The following TRNT1 variants were observed in gnomAD, a reference collection of about 807,000 sequenced individuals.
The protein encoded by TRNT1 is tRNA nucleotidyl transferase 1.
A neutral mutation model predicts 45.6 loss-of-function variants in TRNT1; 44 were observed. The observed-to-expected ratio is 0.97, with a 90% CI of 0.76 to 1.24. The LOEUF (loss-of-function observed/expected upper bound fraction) is 1.24. TRNT1 is among the 50% of genes most tolerant of loss of function. The probability of loss-of-function intolerance (pLI) is 0.00; values close to 1 mark genes in which losing one functional copy is unlikely to be tolerated. For synonymous variants in TRNT1, 201 were observed against 171.4 expected (o/e 1.17, Z -1.35); for missense variants, 633 against 504.4 (o/e 1.25, Z -2.44).
At chr3:3,141,964 G>C (rs1705682297) in intron 4 of TRNT1, among the ~76,000 whole-genome samples, 1 of 152,184 alleles carries the variant, frequency 6.6e-6, no homozygotes, top group Non-Finnish European at 1.5e-5. Flanking sequence ...CTTGATAGAA[G>C]AGGAAACTTG....
intron 2 of TRNT1, chr3:3,130,304 T>C: frequency 4.3e-6 from 1 of 230,572 alleles, no homozygotes; most frequent in South Asian, 7.3e-5. Context: ...ATCTATATTT[T>C]TAATAAAAGC....
intron 4 of TRNT1, 34 bp from the exon 5 acceptor site, chr3:3,144,548 AAT>A: frequency 6.4e-7 from 1 of 1,554,368 alleles, no homozygotes; most frequent in Non-Finnish European, 8.7e-7. Flanking sequence ...CTTATTTGCC[AAT>A]AGTGATTTTT....
At chr3:3,142,017 C>G (rs1414970235) in intron 4 of TRNT1, among the ~76,000 whole-genome samples, 1 of 152,196 alleles carries the variant, frequency 6.6e-6, no homozygotes, top group Non-Finnish European at 1.5e-5. Flanking sequence ...TCACAGAGAA[C>G]CATGATTTTG....
At position 3,147,573 on chromosome 3, in the gene TRNT1, T is replaced by G; in HGVS notation, c.926T>G (p.Leu309Trp). 6.2e-7 allele frequency: 1 copy of G among 1,613,956 alleles called. No individual in the cohort carries two copies. Residue 309 changes from leucine to tryptophan, a missense_variant, in exon 7 of 8, where the codon TTG becomes TGG. Transcript: ENST00000251607. ...LFKVQDDVTK[L>W]DLRLKIAKEE... ...AAAGTACAAGATGATGTCACAAAAT[T>G]GGATTTGAGGTTGAAGATCGCAAAA...
chr3:3,145,024 C>G (rs978323530), intron 5 of TRNT1: 1 of 181,288 alleles, frequency 5.5e-6, no homozygotes, highest in African/African-American at 2.4e-5. Context: ...TGTTTGAATG[C>G]TTACCACAGG....
At chr3:3,141,380 C>G (rs1705642222) in intron 4 of TRNT1, among the ~76,000 whole-genome samples, 2 of 152,178 alleles carry the variant, frequency 1.3e-5, no homozygotes. Flanking sequence ...TTCCTTTGCA[C>G]TATCTTTCAT....
chr3:3,137,057 T>G (rs1011808028), intron 2 of TRNT1, among the ~76,000 whole-genome samples: 3 of 152,220 alleles, frequency 2.0e-5, no homozygotes, highest in Admixed American at 6.5e-5. Context: ...GTTCTCTGTT[T>G]CCTGTTGGTC....
intron 2 of TRNT1, chr3:3,131,414 T>C (rs2126007029): frequency 6.6e-6 from 1 of 152,262 alleles, no homozygotes; most frequent in East Asian, 1.9e-4. Context: ...TTGATTACTA[T>C]AGTTTCTTGA....
At chr3:3,139,408 C>G (rs1705508881) in intron 3 of TRNT1, among the ~76,000 whole-genome samples, 1 of 152,214 alleles carries the variant, frequency 6.6e-6, no homozygotes, top group Non-Finnish European at 1.5e-5. Flanking sequence ...CTACAACAGA[C>G]TTCTGGTGAT....
intron 3 of TRNT1, among the ~76,000 whole-genome samples, chr3:3,139,872 A>T (rs978528354): frequency 1.3e-5 from 2 of 152,086 alleles, no homozygotes; most frequent in Admixed American, 1.3e-4. Flanking sequence ...GACCACAGGC[A>T]TGCACCACCA....
downstream of TRNT1, chr3:3,152,577 A>G (rs750807009): frequency 6.2e-7 from 1 of 1,614,124 alleles, no homozygotes; most frequent in Non-Finnish European, 8.5e-7. Context: ...ATCGGCCCAC[A>G]TAAGGATAAA....
In TRNT1 at chr3:3,148,962, A is replaced by ATAGTCTCTAAAGAAAGATT. The variant is rs1559234162; in HGVS notation, c.*810_*811insGTCTCTAAAGAAAGATTTA. 2 of 136,542 alleles carry ATAGTCTCTAAAGAAAGATT rather than the reference A, an allele frequency of 1.5e-5. No individual in the cohort carries two copies. The allele number at this position is 136,542 out of a possible 1,614,324, so 8.5% of individuals were successfully genotyped here. On this transcript the variant is annotated 3_prime_UTR_variant, in exon 8 of 8. Coordinates refer to ENST00000251607, the MANE Select transcript of TRNT1 (RefSeq NM_182916.3). ...ATTAAAAGGATATGGCTATTATTAT[A>ATAGTCTCTAAAGAAAGATT]TATTCTCTAAAGATTTGAGTCCTAA...
intron 2 of TRNT1, 114 bp downstream of exon 2, chr3:3,129,302 T>TA: frequency 9.6e-7 from 1 of 1,040,154 alleles, no homozygotes; most frequent in Non-Finnish European, 1.4e-6. Context: ...ATTATTTTTA[T>TA]TAAAAAACGT....
chr3:3,141,860 G>A (rs940063602), intron 4 of TRNT1, among the ~76,000 whole-genome samples: 1 of 152,106 alleles, frequency 6.6e-6, no homozygotes, highest in Non-Finnish European at 1.5e-5. Flanking sequence ...ACAATTTCTA[G>A]GGTACCTACT....
rs1705388617 is a variant in TRNT1 at position 3,137,340 on chromosome 3, G to C, written c.229G>C (p.Asp77His). The change falls in exon 3 of 8, where the codon GAT becomes CAT. Residue 77 changes from aspartate (D) to histidine (H), a missense_variant. Transcript: ENST00000251607. The stretch of plus-strand genomic sequence containing the variant: ...TTTATTAAATGGAGTAAAGCCTCAG[G>C]ATATAGATTTTGCCACCACTGCTAC... ...RDLLNGVKPQ[D>H]IDFATTATPT... 1 of 1,613,874 alleles carries C rather than the reference G, an allele frequency of 6.2e-7. No individual in the cohort carries two copies. Among genetic ancestry groups the C allele is most frequent in the Non-Finnish European group, 8.5e-7 (1 of 1,179,896 alleles).
chr3:3,150,687 G>GTT, downstream of TRNT1: 1 of 616,976 alleles, frequency 1.6e-6, no homozygotes, highest in South Asian at 2.0e-5. Flanking sequence ...GTTTCCTAAA[G>GTT]TATACTTAAA....
chr3:3,136,303 A>G (rs1705322287), intron 2 of TRNT1, among the ~76,000 whole-genome samples: 1 of 152,172 alleles, frequency 6.6e-6, no homozygotes, highest in Admixed American at 6.5e-5. Context: ...TGCCATTCTC[A>G]CTAGGTTCCA....
At chr3:3,140,673 TTG>T in intron 4 of TRNT1, 25 bp downstream of exon 4, 1 of 1,609,532 alleles carries the variant, frequency 6.2e-7, no homozygotes, top group East Asian at 2.2e-5. Flanking sequence ...TAAAACCATA[TTG>T]TGAGTCTATC....
At chr3:3,140,437 C>G in intron 3 of TRNT1, 73 bp from the exon 4 acceptor site, 8 of 1,513,628 alleles carry the variant, frequency 5.3e-6, no homozygotes, top group South Asian at 1.2e-5. Flanking sequence ...AAGACAAAAA[C>G]TTATTTTTTT....
Sources: gnomAD v4.1 joint callset for allele counts (sites outside exome capture counted in the v4.1 genomes callset) on GRCh38, gnomAD v4.1.1 for gene constraint, MANE v1.5 for transcripts, NCBI Gene and HGNC (gene_info 2026-07-23, HGNC 2026-07-21) for gene names.